ADAMTS17: variants seen among roughly 807,000 people sequenced by gnomAD.
The protein encoded by ADAMTS17 is A disintegrin and metalloproteinase with thrombospondin motifs 17.
In ADAMTS17, 113 loss-of-function variants were observed where a neutral mutation model predicts 141.5. The observed-to-expected ratio is 0.80, with a 90% confidence interval of 0.69 to 0.93. The LOEUF (loss-of-function observed/expected upper bound fraction) is 0.93, where lower values mean the gene tolerates loss of function less well. Among genes scored for constraint, ADAMTS17 ranks in the 40% least tolerant of loss-of-function variants. The pLI is 0.00. For synonymous variants in ADAMTS17, 768 were observed against 630.6 expected (o/e 1.22, Z -3.27); for missense variants, 1,659 against 1,517.9 (o/e 1.09, Z -1.54).
intron 5 of ADAMTS17, among the ~76,000 whole-genome samples, chr15:100,262,125 G>A (rs142595072): frequency 1.3e-5 from 2 of 152,138 alleles, no homozygotes; most frequent in Non-Finnish European, 2.9e-5. Flanking sequence ...TCCGGGAGAG[G>A]TGGATGTGTG....
At chr15:100,236,402 G>A (rs1284628010) in intron 7 of ADAMTS17, among the ~76,000 whole-genome samples, 6 of 151,898 alleles carry the variant, frequency 4.0e-5, no homozygotes, top group South Asian at 4.2e-4. Flanking sequence ...CAGGCCCACC[G>A]AATGCAAACA....
intron 20 of ADAMTS17, among the ~76,000 whole-genome samples, chr15:99,990,708 G>A (rs565566795): frequency 6.6e-6 from 1 of 151,946 alleles, no homozygotes; most frequent in African/African-American, 2.4e-5. Context: ...CATTTCTGCA[G>A]GGATCAGATT....
At chr15:100,193,418 G>A (rs547536563) in intron 8 of ADAMTS17, among the ~76,000 whole-genome samples, 94 of 152,294 alleles carry the variant, frequency 6.2e-4, no homozygotes, top group African/African-American at 2.0e-3. Context: ...CAGCACAGCC[G>A]GGCTCAGCAC....
intron 3 of ADAMTS17, among the ~76,000 whole-genome samples, chr15:100,295,679 T>C (rs2044784366): frequency 6.6e-6 from 1 of 152,340 alleles, no homozygotes; most frequent in African/African-American, 2.4e-5. Context: ...TCCTGGGTTA[T>C]ATCAGCTTCC....
In ADAMTS17 at chr15:100,048,922, G is replaced by C; in HGVS notation, c.2526C>G (p.Asp842Glu). 6.2e-7 allele frequency: 1 copy of C among 1,614,194 alleles called. No homozygotes were observed. Among genetic ancestry groups the C allele is most frequent in the South Asian group, 1.1e-5 (1 of 91,080 alleles). ...GCTCTGGGCGGCTTGCTTGAGGGCA[G>C]TCACTGTCGTTCACCAGAGTTGTGG... ...NKTTTLVNDS[D>E]CPQASRPEPQ... Residue 842 changes from aspartate to glutamate, a missense_variant, in exon 18 of 22, where the codon GAC becomes GAG. By Grantham distance (45) the Asp-to-Glu change is conservative. Coordinates refer to ENST00000268070, the MANE Select transcript of ADAMTS17 (RefSeq NM_139057.4).
intron 18 of ADAMTS17, among the ~76,000 whole-genome samples, chr15:100,003,277 T>C (rs892989023): frequency 2.0e-5 from 3 of 152,050 alleles, no homozygotes; most frequent in African/African-American, 7.3e-5. Context: ...TCTAGATGTA[T>C]AGTCAGAAAT....
intron 15 of ADAMTS17, among the ~76,000 whole-genome samples, chr15:100,080,942 A>G (rs1291552253): frequency 6.6e-6 from 1 of 152,158 alleles, no homozygotes; most frequent in Non-Finnish European, 1.5e-5. Context: ...GGAGATGTGT[A>G]TGGGTTCAAG....
chr15:100,157,669 C>T (rs2039497616), intron 8 of ADAMTS17, among the ~76,000 whole-genome samples: 1 of 152,050 alleles, frequency 6.6e-6, no homozygotes, highest in African/African-American at 2.4e-5. Flanking sequence ...TGTTTAATAG[C>T]AAAGAAAGTG....
chr15:100,046,732 C>G (rs1353823549), intron 18 of ADAMTS17, among the ~76,000 whole-genome samples: 1 of 152,178 alleles, frequency 6.6e-6, no homozygotes, highest in Non-Finnish European at 1.5e-5. Flanking sequence ...ATTTCCTATG[C>G]CTGTCTTTAC....
chr15:99,995,754 G>A (rs1361471557), intron 19 of ADAMTS17, among the ~76,000 whole-genome samples: 8 of 152,192 alleles, frequency 5.3e-5, no homozygotes, highest in African/African-American at 1.9e-4. Context: ...CGTGGGAAGC[G>A]GCAGAAGTAC....
chr15:100,093,447 C>G (rs1388323040), intron 15 of ADAMTS17, among the ~76,000 whole-genome samples: 2 of 152,134 alleles, frequency 1.3e-5, no homozygotes, highest in African/African-American at 4.8e-5. Context: ...TCTTTAGGGG[C>G]AAGCAGAGAT....
rs116950327 is a variant in ADAMTS17 at position 100,236,551 on chromosome 15, A to T, written c.1075+17585T>A. On this transcript the variant is annotated intron_variant, in intron 7 of 21. Coordinates refer to ENST00000268070, the MANE Select transcript of ADAMTS17 (RefSeq NM_139057.4). ...AAATCTTTACAAAAAACAAACAAAC[A>T]AACAAAAAAACGGCAGTAGCTCACT... 3.3e-5 allele frequency among the ~76,000 whole-genome samples: 5 copies of T among 152,098 alleles called. 1 individual carries two copies. The East Asian group carries it at 9.7e-4, about 29-fold the overall frequency.
chr15:100,263,793 G>A (rs1043643700), intron 4 of ADAMTS17, among the ~76,000 whole-genome samples: 1 of 152,208 alleles, frequency 6.6e-6, no homozygotes, highest in East Asian at 1.9e-4. Context: ...AACCCAGGAG[G>A]GAGAATTTTC....
intron 7 of ADAMTS17, among the ~76,000 whole-genome samples, chr15:100,206,777 G>A (rs975059161): frequency 6.6e-6 from 1 of 152,312 alleles, no homozygotes. Flanking sequence ...TCCCTTCAGA[G>A]ATTCAAATGC....
At chr15:100,057,366 C>T (rs914177824) in intron 15 of ADAMTS17, among the ~76,000 whole-genome samples, 2 of 152,142 alleles carry the variant, frequency 1.3e-5, no homozygotes, top group Non-Finnish European at 2.9e-5. Flanking sequence ...GTGCTGACCA[C>T]AGCCACACCA....
rs781597050 is a variant in ADAMTS17, at chr15:99,993,131, C to T, written c.2866G>A (p.Asp956Asn). The change falls in exon 20 of 22, where the codon GAC becomes AAC. Residue 956 changes from aspartate to asparagine, a missense_variant. Asp to Asn is a conservative substitution (Grantham distance 23). Coordinates refer to ENST00000268070, the MANE Select transcript of ADAMTS17 (RefSeq NM_139057.4). This position sits in a 1 kb window ranked among gnomAD's most constrained non-coding sequence, Gnocchi z 4.3. ...TCGGCTCTCGGCCTCGTGGATGCGT[C>T]GCATTTCCCTTGTGAGTTGGTGCAC... ...VACTNSQGKC[D>N]ASTRPRAEEA... The T allele has an allele frequency of 1.5e-5, 25 of 1,614,034 alleles. No individual in the cohort carries two copies. The highest frequency in any genetic ancestry group is 8.0e-5 in the African/African-American group (6 of 74,922).
intron 3 of ADAMTS17, among the ~76,000 whole-genome samples, chr15:100,322,643 G>T (rs904483760): frequency 6.6e-6 from 1 of 152,154 alleles, no homozygotes; most frequent in Non-Finnish European, 1.5e-5. Context: ...TAGCAGACAA[G>T]AATTTTGAAG....
chr15:99,990,420 T>A lies in ADAMTS17; in HGVS notation c.2949+2628A>T, dbSNP rs577131974. 5.3e-5 allele frequency among the ~76,000 whole-genome samples: 8 copies of A among 152,280 alleles called. No individual in the cohort carries two copies. The Middle Eastern group carries it at 0.014, about 259-fold the overall frequency. Reference sequence around the variant, plus strand: ...CATCCTGGCAGCTCCATACTAAGCTTTATTAACATCCAAGTAACTGTGTGA... The same window carrying A: ...CATCCTGGCAGCTCCATACTAAGCTATATTAACATCCAAGTAACTGTGTGA... On this transcript the variant is annotated intron_variant, in intron 20 of 21. Coordinates refer to ENST00000268070, the MANE Select transcript of ADAMTS17 (RefSeq NM_139057.4).
intron 8 of ADAMTS17, among the ~76,000 whole-genome samples, chr15:100,179,787 G>A (rs2040461645): frequency 6.6e-6 from 1 of 152,114 alleles, no homozygotes. Context: ...GCATTTCTCT[G>A]ATGATCAATG....
Sources: allele counts gnomAD v4.1 joint callset (sites outside exome capture counted in the v4.1 genomes callset), GRCh38; gene constraint gnomAD v4.1.1; non-coding constraint Gnocchi (gnomAD v3.1); transcripts MANE v1.5; gene names NCBI Gene and HGNC (gene_info 2026-07-23, HGNC 2026-07-21).